The following CPQ variants were observed in gnomAD, a reference collection of about 807,000 sequenced individuals.
The protein encoded by CPQ is Ser-Met dipeptidase.
A neutral mutation model predicts 45.7 loss-of-function variants in CPQ; 37 were observed. The ratio of observed to expected loss-of-function variants is 0.81; its 90% CI spans 0.62 to 1.07. The LOEUF (loss-of-function observed/expected upper bound fraction) is 1.07, where lower values mean the gene tolerates loss of function less well. CPQ is among the 50% of genes least tolerant of loss of function. The pLI, the probability that CPQ is intolerant of heterozygous loss-of-function variation, is 0.00. For missense variants in CPQ, 537 were observed against 572.9 expected, an observed-to-expected ratio of 0.94 and a Z score of 0.64; for synonymous variants, 186 against 205.8, an observed-to-expected ratio of 0.90 and a Z score of 0.82.
chr8:97,124,466 C>T (rs1267757496), intron 7 of CPQ, among the ~76,000 whole-genome samples: 1 of 152,010 alleles, frequency 6.6e-6, no homozygotes, highest in Admixed American at 6.6e-5. Flanking sequence ...TCAACAACAG[C>T]AGGGTGTACA....
intron 6 of CPQ, among the ~76,000 whole-genome samples, chr8:97,038,825 CAAAAAAAAAA>C (rs35739621): frequency 1.3e-4 from 12 of 91,864 alleles, no homozygotes; most frequent in African/African-American, 3.8e-4. Flanking sequence ...ACCGTATTTA[CAAAAAAAAAA>C]AAAAAAAAAA....
intron 2 of CPQ, among the ~76,000 whole-genome samples, chr8:96,794,103 G>A (rs1375659375): frequency 6.6e-6 from 1 of 152,202 alleles, no homozygotes; most frequent in Non-Finnish European, 1.5e-5. Context: ...ACTACGTGGT[G>A]CCACAGTAGG....
intron 5 of CPQ, among the ~76,000 whole-genome samples, chr8:96,996,666 T>G (rs1809183735): frequency 6.6e-6 from 1 of 152,076 alleles, no homozygotes; most frequent in Non-Finnish European, 1.5e-5. Context: ...ATTCAGTACC[T>G]TTACAAATTA....
intron 4 of CPQ, among the ~76,000 whole-genome samples, chr8:96,896,155 C>T (rs1319265311): frequency 6.6e-6 from 1 of 152,132 alleles, no homozygotes; most frequent in African/African-American, 2.4e-5. Context: ...GGATATTGTA[C>T]AGACAATAGA....
At chr8:96,676,824 C>T (rs939124509) in intron 1 of CPQ, among the ~76,000 whole-genome samples, 1 of 151,974 alleles carries the variant, frequency 6.6e-6, no homozygotes, top group African/African-American at 2.4e-5. Flanking sequence ...TCCCTCATCC[C>T]CTTTCCAACC....
chr8:97,134,222 C>A (rs1812007756), intron 7 of CPQ, among the ~76,000 whole-genome samples: 1 of 152,204 alleles, frequency 6.6e-6, no homozygotes, highest in Admixed American at 6.5e-5. Context: ...AAGTGCCAGG[C>A]ATTGAGGATT....
At chr8:97,105,702 G>A (rs1192193860) in intron 7 of CPQ, among the ~76,000 whole-genome samples, 1 of 152,148 alleles carries the variant, frequency 6.6e-6, no homozygotes, top group East Asian at 1.9e-4. Context: ...CATTGGTCAC[G>A]TGGATCTTCA....
chr8:97,054,861 C>A (rs939120847), intron 6 of CPQ, among the ~76,000 whole-genome samples: 4 of 152,170 alleles, frequency 2.6e-5, no homozygotes, highest in Admixed American at 6.5e-5. Context: ...AAATCCCAGG[C>A]TTCACTGCTA....
intron 7 of CPQ, among the ~76,000 whole-genome samples, chr8:97,110,074 C>G (rs563409405): frequency 1.3e-5 from 2 of 152,216 alleles, no homozygotes; most frequent in Non-Finnish European, 2.9e-5. Flanking sequence ...GACCACCACC[C>G]AAATAAAGAC....
intron 7 of CPQ, among the ~76,000 whole-genome samples, chr8:97,130,777 G>A (rs557780624): frequency 3.3e-5 from 5 of 152,210 alleles, no homozygotes; most frequent in Middle Eastern, 3.4e-3. Flanking sequence ...TCATTTCCCA[G>A]GCTGCTTCTT....
At position 96,745,681 on chromosome 8, in the gene CPQ, A is replaced by G. The variant is rs535984045; in HGVS notation, c.-34-39183A>G. On this transcript the variant is annotated intron_variant, in intron 1 of 7. Coordinates refer to ENST00000220763, the MANE Select transcript of CPQ (RefSeq NM_016134.4). ...AATTGGGAATCATACTCAATTTTGT[A>G]TGACTCTAAAACCCTTGTTCTTTTT... is the stretch of plus-strand genomic sequence containing the variant. Among the ~76,000 whole-genome samples, 10 of 152,354 alleles carry G rather than the reference A, an allele frequency of 6.6e-5. No individual in the cohort carries two copies. In the East Asian group the frequency reaches 1.5e-3, roughly 23 times the overall value.
At chr8:96,729,636 TG>T (rs1454573675) in intron 1 of CPQ, among the ~76,000 whole-genome samples, 6 of 152,228 alleles carry the variant, frequency 3.9e-5, no homozygotes, top group Non-Finnish European at 8.8e-5. Context: ...TGTGTTTTTT[TG>T]CTAGTGTTAT....
At chr8:96,882,885 T>C (rs1812247178) in intron 4 of CPQ, among the ~76,000 whole-genome samples, 1 of 152,206 alleles carries the variant, frequency 6.6e-6, no homozygotes, top group African/African-American at 2.4e-5. Flanking sequence ...TAATATATAA[T>C]ATTTCCACCA....
At chr8:96,947,232 A>G (rs1263876464) in intron 4 of CPQ, among the ~76,000 whole-genome samples, 2 of 152,222 alleles carry the variant, frequency 1.3e-5, no homozygotes, top group East Asian at 1.9e-4. Flanking sequence ...TATATATGCC[A>G]TGTGCCACAT....
At chr8:96,926,233 C>G in intron 4 of CPQ, among the ~76,000 whole-genome samples, 1 of 152,168 alleles carries the variant, frequency 6.6e-6, no homozygotes, top group Non-Finnish European at 1.5e-5. Flanking sequence ...CAGTTCAAAT[C>G]CTTAATACTG....
At chr8:96,859,688 A>G (rs1811901969) in intron 3 of CPQ, among the ~76,000 whole-genome samples, 1 of 152,128 alleles carries the variant, frequency 6.6e-6, no homozygotes, top group South Asian at 2.1e-4. Context: ...TTTAGTGGGC[A>G]TGTTGGCCTG....
rs559073060 is a variant in CPQ at position 97,078,761 on chromosome 8, A to G, written c.1255+12551A>G. ...TTACTCTAAATATGATATCATTTCC[A>G]TTTCTCTCTCTCTCTCTCTCTCTCT... On this transcript the variant is annotated intron_variant, in intron 7 of 7. Coordinates refer to ENST00000220763, the MANE Select transcript of CPQ (RefSeq NM_016134.4). Among the ~76,000 whole-genome samples, 336 of 68,620 alleles carry G rather than the reference A, an allele frequency of 4.9e-3. 3 individuals carry two copies. The highest frequency in any genetic ancestry group is 0.015 in the African/African-American group (324 of 21,290). The allele number at this position is 68,620 out of a possible 152,430, so 45.0% of individuals were successfully genotyped here.
At chr8:96,739,103 C>T (rs1409845743) in intron 1 of CPQ, among the ~76,000 whole-genome samples, 12 of 148,226 alleles carry the variant, frequency 8.1e-5, no homozygotes, top group African/African-American at 2.2e-4. Flanking sequence ...CCTATTTCTC[C>T]ACATCCTCTC....
At chr8:96,925,888 A>G (rs769597547) in intron 4 of CPQ, among the ~76,000 whole-genome samples, 2 of 146,628 alleles carry the variant, frequency 1.4e-5, no homozygotes, top group Admixed American at 1.4e-4. Context: ...TGGGGTTTCA[A>G]CATGTTAGCC....
Sources: gnomAD v4.1 joint callset for allele counts (sites outside exome capture counted in the v4.1 genomes callset) on GRCh38, gnomAD v4.1.1 for gene constraint, MANE v1.5 for transcripts, NCBI Gene and HGNC (gene_info 2026-07-23, HGNC 2026-07-21) for gene names.